Variants in CAMK2G observed in about 807,000 individuals in gnomAD.
CAMK2G encodes the protein calcium/calmodulin-dependent protein kinase type II subunit gamma.
In CAMK2G, 23 loss-of-function variants were observed where a neutral mutation model predicts 88.7. That is an observed-to-expected ratio of 0.26 (90% CI 0.19 to 0.37). The LOEUF is 0.37. CAMK2G is among the 10% of genes least tolerant of loss of function. CAMK2G has a pLI of 1.00. For synonymous variants in CAMK2G, 263 were observed against 294.8 expected (o/e 0.89, Z 1.11); for missense variants, 476 against 780.8 (o/e 0.61, Z 4.65).
chr10:73,827,425 C>T (rs1441561094), intron 15 of CAMK2G, among the ~76,000 whole-genome samples: 21 of 152,124 alleles, frequency 1.4e-4, no homozygotes, highest in Admixed American at 5.9e-4. Context: ...GTGATCCACC[C>T]GCCTCGGCCT....
At chr10:73,819,381 C>T in intron 19 of CAMK2G, 151 bp downstream of exon 19, 1 of 649,660 alleles carries the variant, frequency 1.5e-6, no homozygotes, top group South Asian at 1.8e-5. Flanking sequence ...ACAGCACCTC[C>T]AGTCTACCCC....
At chr10:73,824,162 C>T (rs1410150592) in intron 16 of CAMK2G, 78 bp from the exon 17 acceptor site, 9 of 1,059,452 alleles carry the variant, frequency 8.5e-6, no homozygotes, top group Non-Finnish European at 1.3e-5. Context: ...CACCTGCACC[C>T]CAGGACCCCC....
chr10:73,866,958 C>T (rs1191849647), intron 2 of CAMK2G, among the ~76,000 whole-genome samples: 1 of 152,240 alleles, frequency 6.6e-6, no homozygotes, highest in Non-Finnish European at 1.5e-5. Context: ...TTGAATCTCA[C>T]TCTAAAGATG....
At chr10:73,819,388 C>T (rs1277705923) in intron 19 of CAMK2G, 144 bp downstream of exon 19, 2 of 663,686 alleles carry the variant, frequency 3.0e-6, no homozygotes, top group African/African-American at 1.8e-5. Flanking sequence ...CTCCAGTCTA[C>T]CCCCCACCCC....
At chr10:73,814,710 C>T (rs2084868410) in intron 22 of CAMK2G, 1 of 386,796 alleles carries the variant, frequency 2.6e-6, no homozygotes, top group South Asian at 3.9e-5. Flanking sequence ...ACTTAATCCT[C>T]ACAATGATTA....
intron 12 of CAMK2G, among the ~76,000 whole-genome samples, chr10:73,841,064 G>A (rs1038689764): frequency 5.3e-5 from 8 of 152,192 alleles, no homozygotes; most frequent in African/African-American, 9.7e-5. Flanking sequence ...CACCAGCCCC[G>A]GGCTCACTAT....
At chr10:73,819,813 G>A (rs116769161) in intron 18 of CAMK2G, among the ~76,000 whole-genome samples, 168 bp from the exon 19 acceptor site, 4,352 of 152,284 alleles carry the variant, frequency 0.029, 202 homozygotes, top group African/African-American at 0.1. Context: ...GACATCCCAC[G>A]CCGCCGCCTC....
chr10:73,832,753 A>C (rs762010676), intron 14 of CAMK2G, among the ~76,000 whole-genome samples: 1 of 152,120 alleles, frequency 6.6e-6, no homozygotes, highest in Non-Finnish European at 1.5e-5. Context: ...TTAGTCATTT[A>C]CTGGCTTTTA....
chr10:73,842,768 G>C lies in CAMK2G; in HGVS notation c.820-227C>G, dbSNP rs76273654. ...TGAACGTGAGAACACCATAACGGATGCTAGACGGGCTGCTGAGAGACCGTC... is the reference window on the plus strand; with the variant it reads ...TGAACGTGAGAACACCATAACGGATCCTAGACGGGCTGCTGAGAGACCGTC... On this transcript the variant is annotated intron_variant, in intron 10 of 22. Coordinates refer to ENST00000423381, the MANE Select transcript of CAMK2G (RefSeq NM_001367534.1). The surrounding 1 kb of genome is among the most constrained non-coding windows in gnomAD (Gnocchi z 4.6). 5.4e-3 allele frequency among the ~76,000 whole-genome samples: 820 copies of C among 152,334 alleles called. 4 individuals are homozygous for C. Among genetic ancestry groups the C allele is most frequent in the African/African-American group, 0.016 (679 of 41,562 alleles).
At position 73,873,973 on chromosome 10, in the gene CAMK2G, C is replaced by A. The variant is rs1028617651; in HGVS notation, c.65+424G>T. Among the ~76,000 whole-genome samples the A allele has an allele frequency of 8.0e-4, 121 of 150,682 alleles. No individual in the cohort carries two copies. In the Middle Eastern group the frequency reaches 0.018, roughly 22 times the overall value. On this transcript the variant is annotated intron_variant, in intron 1 of 22. Transcript: ENST00000423381. ...GGGGCCGGGCGCCAAACAGCCCCCC[C>A]ACGCCCGGGCTCCGCAGCAGAGCTA...
chr10:73,813,681 C>G lies in CAMK2G; in HGVS notation c.*837G>C, dbSNP rs2084658346. ...TAGAAGAAAACACGAAGCAAAGCAGCAACAACCCCTCCCCCTCCTAGCTGC... is the reference window on the plus strand; with the variant it reads ...TAGAAGAAAACACGAAGCAAAGCAGGAACAACCCCTCCCCCTCCTAGCTGC... On this transcript the variant is annotated 3_prime_UTR_variant, in exon 23 of 23. Coordinates refer to ENST00000423381, the MANE Select transcript of CAMK2G (RefSeq NM_001367534.1). 6.5e-6 allele frequency: 1 copy of G among 152,916 alleles called. No homozygotes were observed. Among genetic ancestry groups the G allele is most frequent in the Non-Finnish European group, 1.5e-5 (1 of 68,260 alleles). 9.5% of individuals were successfully genotyped at this position (152,916 alleles called of 1,614,324 possible).
chr10:73,842,295 G>T lies in CAMK2G; in HGVS notation c.904-84C>A. 1 of 1,269,832 alleles carries T rather than the reference G, an allele frequency of 7.9e-7. No individual in the cohort carries two copies. The highest frequency in any genetic ancestry group is 1.2e-6 in the Non-Finnish European group (1 of 866,168). The allele number at this position is 1,269,832 out of a possible 1,614,324, so 78.7% of individuals were successfully genotyped here. ...CTCAGGCAAAGGCAGGTCCTGGCTA[G>T]AGCCTGAAGACATCAGGCCTCTGGG... On this transcript the variant is annotated intron_variant, in intron 11 of 22. Transcript: ENST00000423381. This position sits in a 1 kb window ranked among gnomAD's most constrained non-coding sequence, Gnocchi z 4.6.
chr10:73,828,327 C>CT (rs764792495), intron 14 of CAMK2G, among the ~76,000 whole-genome samples: 1 of 152,166 alleles, frequency 6.6e-6, no homozygotes, highest in African/African-American at 2.4e-5. Flanking sequence ...GGGAAGAACT[C>CT]TTTTGTGGTC....
intron 15 of CAMK2G, among the ~76,000 whole-genome samples, chr10:73,826,961 G>A (rs1046235007): frequency 3.3e-5 from 5 of 152,222 alleles, no homozygotes; most frequent in Non-Finnish European, 7.3e-5. Flanking sequence ...CCCAGGAGTA[G>A]TGAGACGGTG....
At chr10:73,852,564 G>C (rs1366105286) in intron 4 of CAMK2G, 3 of 526,062 alleles carry the variant, frequency 5.7e-6, no homozygotes, top group Non-Finnish European at 1.0e-5. Flanking sequence ...TTCACTAATA[G>C]TCAGGCAGAG....
intron 3 of CAMK2G, 111 bp downstream of exon 3, chr10:73,860,719 C>T (rs2095335416): frequency 1.2e-6 from 1 of 803,670 alleles, no homozygotes; most frequent in Non-Finnish European, 2.2e-6. Context: ...TAAAAACAGA[C>T]ACCAGGTGAA....
At chr10:73,836,372 G>A (rs935321818) in intron 14 of CAMK2G, among the ~76,000 whole-genome samples, 6 of 152,084 alleles carry the variant, frequency 3.9e-5, no homozygotes, top group African/African-American at 1.2e-4. Context: ...AGAATGCTGC[G>A]TGGACATCTG....
rs954693581 is a variant in CAMK2G at position 73,824,000 on chromosome 10, C to A, written c.1200+40G>T. ...TGGGACCCAGCCCACCTGTCTCCTG[C>A]TGACCTGGAAAGCAGGAGGCAGGCT... On this transcript the variant is annotated intron_variant, in intron 17 of 22. Transcript: ENST00000423381. 7.7e-6 allele frequency: 12 copies of A among 1,567,558 alleles called. No homozygotes were observed. In the South Asian group the frequency reaches 1.0e-4, roughly 13 times the overall value.
At chr10:73,819,484 G>C in intron 19 of CAMK2G, 48 bp downstream of exon 19, 2 of 1,366,936 alleles carry the variant, frequency 1.5e-6, no homozygotes, top group Non-Finnish European at 2.0e-6. Flanking sequence ...AGGGGCTTCA[G>C]GACGAGCCAG....
Sources: allele counts gnomAD v4.1 joint callset (sites outside exome capture counted in the v4.1 genomes callset), GRCh38; gene constraint gnomAD v4.1.1; non-coding constraint Gnocchi (gnomAD v3.1); transcripts MANE v1.5; gene names NCBI Gene and HGNC (gene_info 2026-07-23, HGNC 2026-07-21).